The following UNK variants were observed in gnomAD, a reference collection of about 807,000 sequenced individuals.
The protein encoded by UNK is RING finger protein unkempt homolog.
In UNK, 32 loss-of-function variants were observed where a neutral mutation model predicts 97.6. That is an observed-to-expected ratio of 0.33 (90% CI 0.25 to 0.44). The LOEUF is 0.44. Ranked by LOEUF, UNK falls within the 20% of genes least tolerant of loss-of-function variation. UNK has a pLI of 1.00. For synonymous variants in UNK, 441 were observed against 461.2 expected (o/e 0.96, Z 0.56); for missense variants, 771 against 1,098.4 (o/e 0.70, Z 4.21).
rs770281072 is a variant in UNK, at chr17:75,817,423, T to C, written c.1202T>C (p.Phe401Ser). Residue 401 changes from phenylalanine to serine, a missense_variant, in exon 9 of 16, where the codon TTC becomes TCC. By Grantham distance (155) the Phe-to-Ser change is radical. This residue lies in a region of UNK where 192 missense variants were observed against 202.4 expected (regional missense o/e 0.95). Transcript: ENST00000589666. The surrounding 1 kb of genome is among the most constrained non-coding windows in gnomAD (Gnocchi z 5.8). ...RKPPNLEGIV[F>S]PGESGLAPGS... Reference sequence around the variant, plus strand: ...CCCCCAAACCTGGAGGGCATCGTCTTCCCTGGGGAGTCTGGCCTGGCCCCT... The same window carrying C: ...CCCCCAAACCTGGAGGGCATCGTCTCCCCTGGGGAGTCTGGCCTGGCCCCT... 1.9e-6 allele frequency: 3 copies of C among 1,613,292 alleles called. No individual in the cohort carries two copies. Among genetic ancestry groups the C allele is most frequent in the Middle Eastern group, 1.7e-4 (1 of 5,888 alleles).
intron 13 of UNK, chr17:75,822,008 T>G (rs2059141559): frequency 3.4e-6 from 1 of 291,116 alleles, no homozygotes; most frequent in Admixed American, 4.9e-5. Flanking sequence ...CCTGAGCTCT[T>G]CCTGCCCCAG....
chr17:75,786,417 G>A (rs1214691028), intron 1 of UNK, among the ~76,000 whole-genome samples: 1 of 152,164 alleles, frequency 6.6e-6, no homozygotes, highest in African/African-American at 2.4e-5. Flanking sequence ...AGCAACTTGT[G>A]TTTCTGTGTT....
intron 1 of UNK, among the ~76,000 whole-genome samples, chr17:75,802,741 A>G (rs180900520): frequency 5.3e-5 from 8 of 152,310 alleles, no homozygotes; most frequent in African/African-American, 1.9e-4. Flanking sequence ...AAGTGTGTCC[A>G]GATAAAACAC....
intron 1 of UNK, among the ~76,000 whole-genome samples, chr17:75,795,321 TTTG>T (rs542714810): frequency 2.2e-4 from 34 of 151,852 alleles, no homozygotes; most frequent in Middle Eastern, 3.4e-3. Context: ...TTGTGGGCTT[TTTG>T]TTGTTGTTGT....
intron 1 of UNK, among the ~76,000 whole-genome samples, chr17:75,790,748 C>T (rs538582569): frequency 1.2e-4 from 18 of 151,878 alleles, no homozygotes; most frequent in African/African-American, 3.6e-4. Context: ...CTGGCCATCA[C>T]GGCAAGACTC....
At chr17:75,812,658 C>T in intron 4 of UNK, 73 bp downstream of exon 4, 2 of 1,552,552 alleles carry the variant, frequency 1.3e-6, no homozygotes, top group East Asian at 2.3e-5. Context: ...TTTGGCTCAC[C>T]ACCACCTACT....
In UNK at chr17:75,784,906, G is replaced by C. The variant is rs765853377; in HGVS notation, c.26G>C (p.Gly9Ala). The change falls in exon 1 of 16, where the codon GGC (glycine) becomes GCC (alanine). Residue 9 changes from glycine to alanine, a missense_variant. Gly to Ala is a moderately conservative substitution (Grantham distance 60). Transcript: ENST00000589666. Reference sequence around the variant, plus strand: ...ATGTCGAAGGGCCCCGGGCCCGGCGGCTCCGCAGCTTCCTCGGCGCCCCCG... The same window carrying C: ...ATGTCGAAGGGCCCCGGGCCCGGCGCCTCCGCAGCTTCCTCGGCGCCCCCG... MSKGPGPGGSAASSAPPAA... is the reference protein window; with the variant it reads MSKGPGPGASAASSAPPAA... 1 of 1,572,642 alleles carries C rather than the reference G, an allele frequency of 6.4e-7. No individual in the cohort carries two copies. Among genetic ancestry groups the C allele is most frequent in the Non-Finnish European group, 8.6e-7 (1 of 1,163,048 alleles).
Position 75,818,408 on chromosome 17 carries a change from TTCTCTCTTCCCTGC to T in UNK, c.1372-232_1372-219del, listed in dbSNP as rs1482108023. Reference sequence around the variant, plus strand: ...GCACTCTGCCAGGCCCTGTACTCGCTTCTCTCTTCCCTGCTACAGGACTGTAGGGGCGAATGGGC... The same window carrying T: ...GCACTCTGCCAGGCCCTGTACTCGCTTACAGGACTGTAGGGGCGAATGGGC... On this transcript the variant is annotated intron_variant, in intron 10 of 15. Coordinates refer to ENST00000589666, the MANE Select transcript of UNK (RefSeq NM_001080419.3). This position sits in a 1 kb window ranked among gnomAD's most constrained non-coding sequence, Gnocchi z 5.1. Among the ~76,000 whole-genome samples the T allele has an allele frequency of 3.3e-5, 5 of 152,294 alleles. No homozygotes were observed. In the East Asian group the frequency reaches 9.7e-4, roughly 29 times the overall value.
At chr17:75,804,535 T>G (rs1317438393) in intron 1 of UNK, among the ~76,000 whole-genome samples, 1 of 151,906 alleles carries the variant, frequency 6.6e-6, no homozygotes, top group Non-Finnish European at 1.5e-5. Flanking sequence ...AAAAGAGAAG[T>G]ATTAAGATTA....
Position 75,812,590 on chromosome 17 carries a change from AG to A in UNK, c.622+7del. ...GCGAGGAGCCTCGGTGGCAAGGTAC[AG>A]GCATCCACACCTCGGCCGCGCCCTC... On this transcript the variant is annotated splice_donor_region_variant and intron_variant, in intron 4 of 15. Coordinates refer to ENST00000589666, the MANE Select transcript of UNK (RefSeq NM_001080419.3). 1 of 1,612,334 alleles carries A rather than the reference AG, an allele frequency of 6.2e-7. No individual in the cohort carries two copies. The highest frequency in any genetic ancestry group is 1.7e-5 in the Admixed American group (1 of 59,918).
chr17:75,817,569 C>A lies in UNK; in HGVS notation c.1305+43C>A. On this transcript the variant is annotated intron_variant, in intron 9 of 15. Coordinates refer to ENST00000589666, the MANE Select transcript of UNK (RefSeq NM_001080419.3). This position sits in a 1 kb window ranked among gnomAD's most constrained non-coding sequence, Gnocchi z 5.8. Reference sequence around the variant, plus strand: ...CAGCAGTGAGGTTAGCCTTCTCCTGCGTGGGGCAAGAGAATCTTGGAGGAG... The same window carrying A: ...CAGCAGTGAGGTTAGCCTTCTCCTGAGTGGGGCAAGAGAATCTTGGAGGAG... 1 of 1,534,572 alleles carries A rather than the reference C, an allele frequency of 6.5e-7. No homozygotes were observed. Among genetic ancestry groups the A allele is most frequent in the South Asian group, 1.2e-5 (1 of 81,924 alleles).
rs2062035450 is a variant in UNK at position 75,818,334 on chromosome 17, G to C, written c.1371+166G>C. Among the ~76,000 whole-genome samples the C allele has an allele frequency of 6.6e-6, 1 of 152,126 alleles. No homozygotes were observed. Among genetic ancestry groups the C allele is most frequent in the Non-Finnish European group, 1.5e-5 (1 of 68,018 alleles). Reference sequence around the variant, plus strand: ...AGAGAGGGTAGGGGGTCAGGCCCTGGAGCCCCTCACCTCCTAGACTCAGTG... The same window carrying C: ...AGAGAGGGTAGGGGGTCAGGCCCTGCAGCCCCTCACCTCCTAGACTCAGTG... On this transcript the variant is annotated intron_variant, in intron 10 of 15. Transcript: ENST00000589666. This position sits in a 1 kb window ranked among gnomAD's most constrained non-coding sequence, Gnocchi z 5.1.
At chr17:75,785,206 G>C in intron 1 of UNK, 1 of 507,128 alleles carries the variant, frequency 2.0e-6, no homozygotes, top group Non-Finnish European at 3.4e-6. Flanking sequence ...CCCGGCCGCC[G>C]AGTGGGGAAG....
chr17:75,808,064 C>T (rs2061935055), intron 1 of UNK, among the ~76,000 whole-genome samples: 1 of 152,206 alleles, frequency 6.6e-6, no homozygotes, highest in African/African-American at 2.4e-5. Context: ...GGCCCAGCTT[C>T]CCTCTTTCAG....
chr17:75,803,518 G>T (rs974624535), intron 1 of UNK, among the ~76,000 whole-genome samples: 3 of 152,206 alleles, frequency 2.0e-5, no homozygotes, highest in Admixed American at 6.6e-5. Context: ...GCTGGTGGTG[G>T]TAAAAATATG....
chr17:75,823,837 A>G lies in UNK; in HGVS notation c.2277+315A>G, dbSNP rs2062093071. ...CCCTCCATGGAGCAGCGGGCCTTCC[A>G]GTGAGGCCCAGGACCCCAGGGCTAC... On this transcript the variant is annotated intron_variant, in intron 15 of 15. Coordinates refer to ENST00000589666, the MANE Select transcript of UNK (RefSeq NM_001080419.3). 2.0e-5 allele frequency among the ~76,000 whole-genome samples: 3 copies of G among 152,168 alleles called. No homozygotes were observed. In the South Asian group the frequency reaches 6.2e-4, roughly 31 times the overall value.
At chr17:75,794,327 C>T in intron 1 of UNK, 1 of 356,566 alleles carries the variant, frequency 2.8e-6, no homozygotes, top group Non-Finnish European at 3.9e-6. Flanking sequence ...GTTGTTTTTC[C>T]TTTAGCTCAG....
intron 13 of UNK, among the ~76,000 whole-genome samples, chr17:75,820,711 C>T (rs375748343): frequency 2.0e-5 from 3 of 152,160 alleles, no homozygotes; most frequent in East Asian, 1.9e-4. Context: ...TGTGCCACTG[C>T]GGGCCGGCTG....
Position 75,818,249 on chromosome 17 carries a change from A to AG in UNK, c.1371+83dup. 1 of 1,496,380 alleles carries AG rather than the reference A, an allele frequency of 6.7e-7. No homozygotes were observed. Among genetic ancestry groups the AG allele is most frequent in the South Asian group, 1.2e-5 (1 of 85,684 alleles). The allele number at this position is 1,496,380 out of a possible 1,614,324, so 92.7% of individuals were successfully genotyped here. A position where few individuals can be genotyped will look rare whatever the true frequency, so the allele number is the denominator to read the frequency against. On this transcript the variant is annotated intron_variant, in intron 10 of 15. Coordinates refer to ENST00000589666, the MANE Select transcript of UNK (RefSeq NM_001080419.3). This position sits in a 1 kb window ranked among gnomAD's most constrained non-coding sequence, Gnocchi z 5.1. ...ACCCCAGGAGGCTTCGGGGAGTGGGAGGCACCACTTTTCCCAAAAGCTGAG... is the reference window on the plus strand; with the variant it reads ...ACCCCAGGAGGCTTCGGGGAGTGGGAGGGCACCACTTTTCCCAAAAGCTGAG...
Sources: gnomAD v4.1 joint callset for allele counts (sites outside exome capture counted in the v4.1 genomes callset) on GRCh38, gnomAD v4.1.1 for gene constraint, gnomAD v4.1.1 regional missense constraint, Gnocchi (gnomAD v3.1) non-coding constraint, MANE v1.5 for transcripts, NCBI Gene and HGNC (gene_info 2026-07-23, HGNC 2026-07-21) for gene names.